The following TP63 variants were observed in gnomAD, a reference collection of about 807,000 sequenced individuals.
The protein encoded by TP63 is tumor protein 63.
TP63 carries 17 observed loss-of-function variants against 82.8 expected under a neutral mutation model. The observed-to-expected ratio is 0.21, with a 90% CI of 0.14 to 0.31. The LOEUF (loss-of-function observed/expected upper bound fraction) is 0.31. TP63 is among the 10% of genes least tolerant of loss of function. TP63 has a pLI of 1.00. For synonymous variants in TP63, 330 were observed against 321.7 expected, an observed-to-expected ratio of 1.03 and a Z score of -0.28; for missense variants, 648 against 895.3, an observed-to-expected ratio of 0.72 and a Z score of 3.52.
intron 10 of TP63, among the ~76,000 whole-genome samples, chr3:189,878,269 C>T (rs985946485): frequency 3.3e-5 from 5 of 151,862 alleles, no homozygotes; most frequent in African/African-American, 9.7e-5. Context: ...AAATCCTCCA[C>T]GTTTCCAGAA....
At chr3:189,604,696 G>C in the TP63 span, among the ~76,000 whole-genome samples, 1 of 152,154 alleles carries the variant, frequency 6.6e-6, no homozygotes, top group South Asian at 2.1e-4. Flanking sequence ...AGTTGAGATT[G>C]AGTTTAGAAA....
chr3:189,744,993 A>G (rs1721262095), intron 3 of TP63, among the ~76,000 whole-genome samples: 1 of 152,252 alleles, frequency 6.6e-6, no homozygotes, highest in Admixed American at 6.5e-5. Context: ...AAGGGAAATC[A>G]TAGACACCGC....
intron 9 of TP63, among the ~76,000 whole-genome samples, chr3:189,872,229 T>C (rs1239654328): frequency 6.8e-6 from 1 of 146,902 alleles, no homozygotes; most frequent in Non-Finnish European, 1.5e-5. Context: ...AAATATAGGA[T>C]TGGGTTCCTA....
chr3:189,881,112 C>T, intron 10 of TP63: 2 of 985,352 alleles, frequency 2.0e-6, no homozygotes, highest in Middle Eastern at 5.2e-4. Flanking sequence ...GAGCTTCTAT[C>T]CCTCAAGCCT....
At chr3:189,722,613 A>G (rs1035889929) in intron 1 of TP63, among the ~76,000 whole-genome samples, 3 of 133,560 alleles carry the variant, frequency 2.2e-5, no homozygotes, top group African/African-American at 5.5e-5. Flanking sequence ...CGCACAGTGC[A>G]CAGTGTGATA....
chr3:189,863,569 A>G (rs1266451392), intron 4 of TP63, among the ~76,000 whole-genome samples: 1 of 152,148 alleles, frequency 6.6e-6, no homozygotes, highest in African/African-American at 2.4e-5. Flanking sequence ...TAGCTGTGCT[A>G]CATCAGGCCC....
At chr3:189,817,495 G>A (rs6775391) in intron 4 of TP63, among the ~76,000 whole-genome samples, 52,577 of 151,870 alleles carry the variant, frequency 0.35, 9,345 homozygotes, top group East Asian at 0.52. Flanking sequence ...AGATTGCTGT[G>A]AGGCTTAATT....
chr3:189,813,118 T>C (rs1171491755), intron 4 of TP63, among the ~76,000 whole-genome samples: 1 of 152,176 alleles, frequency 6.6e-6, no homozygotes, highest in East Asian at 1.9e-4. Context: ...TGACATTCGT[T>C]CCTCATTTTT....
intron 4 of TP63, among the ~76,000 whole-genome samples, chr3:189,815,269 A>G (rs1487054600): frequency 1.3e-5 from 2 of 152,148 alleles, no homozygotes. Flanking sequence ...AATTTTTATC[A>G]GGATTAAATT....
intron 1 of TP63, among the ~76,000 whole-genome samples, chr3:189,667,422 C>T (rs1201560596): frequency 6.6e-6 from 1 of 151,976 alleles, no homozygotes; most frequent in Non-Finnish European, 1.5e-5. Context: ...GTCTACTCGC[C>T]TCTACCTCCC....
chr3:189,705,372 A>G (rs1372002428), intron 1 of TP63, among the ~76,000 whole-genome samples: 1 of 152,228 alleles, frequency 6.6e-6, no homozygotes, highest in Non-Finnish European at 1.5e-5. Flanking sequence ...TATAGTAAGT[A>G]ATGAGTAACT....
intron 3 of TP63, among the ~76,000 whole-genome samples, chr3:189,739,432 G>T: frequency 6.6e-6 from 1 of 152,146 alleles, no homozygotes. Flanking sequence ...CAGATTTTTA[G>T]ATCTGAATCC....
chr3:189,770,700 T>A (rs1312086516), intron 3 of TP63, among the ~76,000 whole-genome samples: 1 of 152,208 alleles, frequency 6.6e-6, no homozygotes, highest in African/African-American at 2.4e-5. Context: ...TTAAAGAACA[T>A]TTTTCTCTGA....
chr3:189,780,262 A>G (rs922376154), intron 3 of TP63, among the ~76,000 whole-genome samples: 3 of 152,180 alleles, frequency 2.0e-5, no homozygotes, highest in African/African-American at 7.2e-5. Flanking sequence ...ATGCTTTGTA[A>G]GCTGCAATGC....
At chr3:189,816,347 C>T (rs34421332) in intron 4 of TP63, among the ~76,000 whole-genome samples, 51,297 of 151,980 alleles carry the variant, frequency 0.34, 8,917 homozygotes, top group East Asian at 0.52. Context: ...GTGGGATTGT[C>T]GCTCTTGGTA....
At chr3:189,875,589 C>CATATATAGATATAT (rs779050433) in intron 10 of TP63, among the ~76,000 whole-genome samples, 1 of 44,424 alleles carries the variant, frequency 2.3e-5, no homozygotes, top group African/African-American at 1.1e-4. Context: ...AAAAAAAATA[C>CATATATAGATATAT]ATACATATAT....
intron 1 of TP63, among the ~76,000 whole-genome samples, chr3:189,638,170 G>C (rs1381123137): frequency 1.3e-5 from 2 of 152,108 alleles, no homozygotes; most frequent in African/African-American, 4.8e-5. Context: ...ACTTGTCATG[G>C]CAGCAATAGG....
Position 189,808,486 on chromosome 3 carries a change from C to A in TP63, c.539C>A (p.Ser180Tyr). The change falls in exon 4 of 14, where the codon TCC (serine) becomes TAC (tyrosine). Residue 180 changes from serine to tyrosine, a missense_variant. Physicochemically the swap from Ser to Tyr is moderately radical, Grantham distance 144. Coordinates refer to ENST00000264731, the MANE Select transcript of TP63 (RefSeq NM_003722.5). ...DYPGPHSFDV[S>Y]FQQSSTAKSA... ...CCAGGCCCGCACAGTTTCGACGTGT[C>A]CTTCCAGCAGTCGAGCACCGCCAAG... is the stretch of plus-strand genomic sequence containing the variant. 6.2e-7 allele frequency: 1 copy of A among 1,614,236 alleles called. No individual in the cohort carries two copies. The highest frequency in any genetic ancestry group is 1.1e-5 in the South Asian group (1 of 91,088).
At chr3:189,614,381 T>G in the TP63 span, among the ~76,000 whole-genome samples, 1 of 152,176 alleles carries the variant, frequency 6.6e-6, no homozygotes, top group Non-Finnish European at 1.5e-5. Context: ...TCTGAGACCC[T>G]CTCAGCCACG....
Sources: gnomAD v4.1 joint callset for allele counts (sites outside exome capture counted in the v4.1 genomes callset) on GRCh38, gnomAD v4.1.1 for gene constraint, MANE v1.5 for transcripts, NCBI Gene and HGNC (gene_info 2026-07-23, HGNC 2026-07-21) for gene names.